The following MYH2 variants were observed in gnomAD, a reference collection of about 807,000 sequenced individuals.
The protein encoded by MYH2 is myosin heavy chain 2, also known as myosin-2.
Under a neutral mutation model 228.1 loss-of-function variants are expected in MYH2, and 139 were observed. That is an observed-to-expected ratio of 0.61 (90% CI 0.53 to 0.70). The LOEUF (loss-of-function observed/expected upper bound fraction) is 0.70, where lower values mean the gene tolerates loss of function less well. Ranked by LOEUF, MYH2 falls within the 30% of genes least tolerant of loss-of-function variation. MYH2 has a pLI of 0.00. For missense variants in MYH2, 1,809 were observed against 2,357.5 expected, an observed-to-expected ratio of 0.77 and a Z score of 4.82; for synonymous variants, 796 against 871.1, an observed-to-expected ratio of 0.91 and a Z score of 1.52.
intron 17 of MYH2, 23 bp from the exon 18 acceptor site, chr17:10,535,388 G>A (rs1473108676): frequency 4.4e-6 from 7 of 1,593,270 alleles, no homozygotes; most frequent in African/African-American, 1.3e-5. Context: ...GAAAAATCCT[G>A]TCATTTTAGG....
At chr17:10,535,930 T>C (rs2073477469) in intron 17 of MYH2, among the ~76,000 whole-genome samples, 1 of 152,348 alleles carries the variant, frequency 6.6e-6, no homozygotes, top group South Asian at 2.1e-4. Context: ...ATGAGTTCAT[T>C]AGCCATACTG....
intron 21 of MYH2, among the ~76,000 whole-genome samples, chr17:10,532,235 G>A (rs1332225095): frequency 1.3e-5 from 2 of 152,132 alleles, no homozygotes; most frequent in Admixed American, 1.3e-4. Context: ...GATGTTGCAA[G>A]TCCAAGGAGC....
chr17:10,523,217 T>G (rs2073305685), intron 38 of MYH2, 32 bp from the exon 39 acceptor site: 1 of 1,606,504 alleles, frequency 6.2e-7, no homozygotes, highest in Non-Finnish European at 8.5e-7. Context: ...AGGACCTTAA[T>G]TACTAAAGCA....
chr17:10,549,535 G>T (rs1451110060), intron 1 of MYH2, 101 bp downstream of exon 1: 2 of 152,360 alleles, frequency 1.3e-5, no homozygotes, highest in East Asian at 3.9e-4. Context: ...GAGGTAAAAC[G>T]TGCAGTTCCA....
rs569632610 is a variant in MYH2 at position 10,525,951 on chromosome 17, G to T, written c.4188-75C>A. ...ATGAGCTATTGCCACACACGCTGAA[G>T]AGTGTTAGAAACTTCACATTAATGC... On this transcript the variant is annotated intron_variant, in intron 30 of 39. Transcript: ENST00000245503. The surrounding 1 kb of genome is among the most constrained non-coding windows in gnomAD (Gnocchi z 4.2). 48 of 1,503,616 alleles carry T rather than the reference G, an allele frequency of 3.2e-5. No homozygotes were observed. The highest frequency in any genetic ancestry group is 4.3e-5 in the Non-Finnish European group (47 of 1,095,420). 93.1% of individuals were successfully genotyped at this position (1,503,616 alleles called of 1,614,324 possible).
chr17:10,533,498 C>T lies in MYH2; in HGVS notation c.2304+11G>A. 1.2e-6 allele frequency: 2 copies of T among 1,614,192 alleles called. No homozygotes were observed. Among genetic ancestry groups the T allele is most frequent in the Non-Finnish European group, 1.7e-6 (2 of 1,180,016 alleles). Reference sequence around the variant, plus strand: ...CAGGAATAGCATCAGGTAGGATTTACAGAAAATTACCTTGGTGTGCCCAAA... The same window carrying T: ...CAGGAATAGCATCAGGTAGGATTTATAGAAAATTACCTTGGTGTGCCCAAA... On this transcript the variant is annotated intron_variant, in intron 20 of 39. Transcript: ENST00000245503.
In MYH2 at chr17:10,525,599, T is replaced by G; in HGVS notation, c.4389A>C (p.Lys1463Asn). Residue 1463 changes from lysine to asparagine, a missense_variant, in exon 32 of 40, where the codon AAA becomes AAC. By Grantham distance (94) the Lys-to-Asn change is moderately conservative. Transcript: ENST00000245503. The surrounding 1 kb of genome is among the most constrained non-coding windows in gnomAD (Gnocchi z 4.2). ...RNFDKILAEWKQKCEETHAEL... is the reference protein window; with the variant it reads ...RNFDKILAEWNQKCEETHAEL... ...CAGCATGCGTTTCCTCACATTTCTGTTTCCATTCTGCCAGGATCTGAAAAA... is the reference window on the plus strand; with the variant it reads ...CAGCATGCGTTTCCTCACATTTCTGGTTCCATTCTGCCAGGATCTGAAAAA... The G allele has an allele frequency of 6.2e-7, 1 of 1,614,180 alleles. No individual in the cohort carries two copies. The highest frequency in any genetic ancestry group is 1.7e-5 in the Admixed American group (1 of 60,026).
intron 10 of MYH2, 123 bp from the exon 11 acceptor site, chr17:10,540,820 C>G: frequency 1.4e-6 from 1 of 738,846 alleles, no homozygotes; most frequent in Non-Finnish European, 2.3e-6. Flanking sequence ...ATAGAGGGAC[C>G]GGCTGAAGCC....
intron 4 of MYH2, 134 bp downstream of exon 4, chr17:10,547,340 GA>G: frequency 8.5e-7 from 1 of 1,181,304 alleles, no homozygotes; most frequent in South Asian, 1.2e-5. Context: ...TAGCAATCAT[GA>G]AGCCTTTTAA....
At position 10,533,312 on chromosome 17, in the gene MYH2, A is replaced by G. The variant is rs200662973; in HGVS notation, c.2414T>C (p.Val805Ala). The G allele has an allele frequency of 4.0e-4, 641 of 1,613,884 alleles. 5 individuals carry two copies. The East Asian group carries it at 0.013, about 32-fold the overall frequency. ...QARCRGFLAR[V>A]EYQRMVERRE... ...TCTCTCCACCATCCTCTGGTACTCC[A>G]CTCTTGCCAAGAACCCTCTGCACCT... The change falls in exon 21 of 40, where the codon GTG becomes GCG. Residue 805 changes from valine to alanine, a missense_variant. Around this residue, in one of 9 missense-constraint regions of MYH2, gnomAD observed 276 missense variants for 344.2 expected, o/e 0.80. Transcript: ENST00000245503.
rs577797296 is a variant in MYH2, at chr17:10,532,364, A to G, written c.2442-476T>C. On this transcript the variant is annotated intron_variant, in intron 21 of 39. Transcript: ENST00000245503. ...GGGTATATGGGGCAGGAGATATTAA[A>G]AACTCAGAATTTCTTAGAAAATATC... is the stretch of plus-strand genomic sequence containing the variant. Among the ~76,000 whole-genome samples, 8 of 152,280 alleles carry G rather than the reference A, an allele frequency of 5.3e-5. No individual in the cohort carries two copies. The East Asian group carries it at 1.5e-3, about 29-fold the overall frequency.
rs1436777555 is a variant in MYH2 at position 10,544,114 on chromosome 17, CT to C, written c.518del (p.Gln173ArgfsTer4). ...YQFMLTDREN[Q>X]SILITGESGA... The stretch of plus-strand genomic sequence containing the variant: ...AATCTACTTACGTGATCAGGATTGA[CT>C]GATTCTCTCGGTCTACAAAAGAAAT... On this transcript the variant is annotated frameshift_variant, in exon 6 of 40. Coordinates refer to ENST00000245503, the MANE Select transcript of MYH2 (RefSeq NM_017534.6). LOFTEE classifies it high-confidence loss of function. 4 of 1,614,076 alleles carry C rather than the reference CT, an allele frequency of 2.5e-6. No individual in the cohort carries two copies. Among genetic ancestry groups the C allele is most frequent in the Non-Finnish European group, 3.4e-6 (4 of 1,179,914 alleles).
At position 10,525,245 on chromosome 17, in the gene MYH2, CT is replaced by C. The variant is rs1324321116; in HGVS notation, c.4640del (p.Gln1547ArgfsTer4). ...KQVEQEKCEL[Q>X]AALEEAEASL... ...GTACCTCTGCTTCTTCTAAAGCAGC[CT>C]GAAGTTCACACTTTTCTTGTTCCAC... On this transcript the variant is annotated frameshift_variant, in exon 33 of 40. Coordinates refer to ENST00000245503, the MANE Select transcript of MYH2 (RefSeq NM_017534.6). LOFTEE classifies it high-confidence loss of function. The surrounding 1 kb of genome is among the most constrained non-coding windows in gnomAD (Gnocchi z 4.2). 1 of 1,613,956 alleles carries C rather than the reference CT, an allele frequency of 6.2e-7. No individual in the cohort carries two copies. The highest frequency in any genetic ancestry group is 8.5e-7 in the Non-Finnish European group (1 of 1,180,022).
chr17:10,521,194 A>G lies in MYH2; in HGVS notation c.*86T>C, dbSNP rs558413980. The G allele has an allele frequency of 3.4e-6, 5 of 1,475,414 alleles. No individual in the cohort carries two copies. The African/African-American group carries it at 6.9e-5, about 20-fold the overall frequency. 91.4% of individuals were successfully genotyped at this position (1,475,414 alleles called of 1,614,324 possible). On this transcript the variant is annotated 3_prime_UTR_variant, in exon 40 of 40. Coordinates refer to ENST00000245503, the MANE Select transcript of MYH2 (RefSeq NM_017534.6). Reference sequence around the variant, plus strand: ...TGCTTTATTTCCTTTGCAACAGGGTAGAATACACAATAATTACAGAGGGAA... The same window carrying G: ...TGCTTTATTTCCTTTGCAACAGGGTGGAATACACAATAATTACAGAGGGAA...
rs1256269800 is a variant in MYH2 at position 10,547,713 on chromosome 17, T to C, written c.204+4A>G. On this transcript the variant is annotated splice_donor_region_variant and intron_variant, in intron 3 of 39. Transcript: ENST00000245503. The stretch of plus-strand genomic sequence containing the variant: ...ATGTGGCAAGCTCCTGGGATTCTAC[T>C]CACCGCTCCTCCCTCAGTCTTCACC... 4 of 1,614,194 alleles carry C rather than the reference T, an allele frequency of 2.5e-6. No individual in the cohort carries two copies. Among genetic ancestry groups the C allele is most frequent in the Non-Finnish European group, 1.7e-6 (2 of 1,180,032 alleles).
At chr17:10,543,376 T>G (rs1002543774) in intron 8 of MYH2, among the ~76,000 whole-genome samples, 1 of 152,198 alleles carries the variant, frequency 6.6e-6, no homozygotes, top group African/African-American at 2.4e-5. Context: ...GTAATGGATA[T>G]GTTAATTAGC....
rs201044964 is a variant in MYH2, at chr17:10,543,721, G to A, written c.731C>T (p.Ser244Phe). The A allele has an allele frequency of 2.8e-5, 46 of 1,614,072 alleles. No individual in the cohort carries two copies. Among genetic ancestry groups the A allele is most frequent in the African/African-American group, 5.3e-5 (4 of 74,946 alleles). Residue 244 changes from serine to phenylalanine, a missense_variant, in exon 8 of 40, where the codon TCC becomes TTC. Transcript: ENST00000245503. ...GNAKTVRNDN[S>F]SRFGKFIRIH... ...GTCCAAGAGACTTACAAAGCGAGAGGAGTTGTCATTCCTCACGGTCTTGGC... is the reference window on the plus strand; with the variant it reads ...GTCCAAGAGACTTACAAAGCGAGAGAAGTTGTCATTCCTCACGGTCTTGGC...
intron 17 of MYH2, 53 bp downstream of exon 17, chr17:10,536,477 G>GT: frequency 2.0e-6 from 3 of 1,492,204 alleles, no homozygotes; most frequent in East Asian, 2.3e-5. Flanking sequence ...ACAGACCCAT[G>GT]TAAAAAAAAT....
rs749480408 is a variant in MYH2, at chr17:10,533,590, G to A, written c.2223C>T (p.Phe741=). ...LNASAIPEGQ[F]IDSKKASEKL... ...TCTCAGAGGCCTTCTTGCTATCAAT[G>A]AATTGCCCTTCAGGGATTGCACTTG... The change falls in exon 20 of 40, where the codon TTC becomes TTT. Residue 741 remains phenylalanine (F), a synonymous_variant. Transcript: ENST00000245503. The A allele has an allele frequency of 2.5e-6, 4 of 1,614,124 alleles. No homozygotes were observed. Among genetic ancestry groups the A allele is most frequent in the Non-Finnish European group, 3.4e-6 (4 of 1,179,972 alleles).
Sources: gnomAD v4.1 joint callset for allele counts (sites outside exome capture counted in the v4.1 genomes callset) on GRCh38, gnomAD v4.1.1 for gene constraint, gnomAD v4.1.1 regional missense constraint, Gnocchi (gnomAD v3.1) non-coding constraint, MANE v1.5 for transcripts, NCBI Gene and HGNC (gene_info 2026-07-23, HGNC 2026-07-21) for gene names.